The following PHEX variants were observed in gnomAD, a reference collection of about 807,000 sequenced individuals.
PHEX encodes phosphate regulating endopeptidase X-linked, also known as phosphate-regulating neutral endopeptidase PHEX.
In PHEX, 16 loss-of-function variants were observed where a neutral mutation model predicts 68.0. That is an observed-to-expected ratio of 0.24 (90% CI 0.16 to 0.36). The LOEUF (loss-of-function observed/expected upper bound fraction) is 0.36. Among genes scored for constraint, PHEX ranks in the 10% least tolerant of loss-of-function variants. The pLI, the probability that PHEX is intolerant of heterozygous loss-of-function variation, is 1.00. For missense variants in PHEX, 480 were observed against 575.5 expected, an observed-to-expected ratio of 0.83 and a Z score of 1.70; for synonymous variants, 208 against 205.1, an observed-to-expected ratio of 1.01 and a Z score of -0.12.
chrX:22,034,282 A>G (rs1294064205), intron 1 of PHEX, among the ~76,000 whole-genome samples: 2 of 112,199 alleles, frequency 1.8e-5, no homozygotes, highest in African/African-American at 6.5e-5. Context: ...GGCTACGTGC[A>G]ACGTGACTGC....
At chrX:22,141,981 T>A (rs1932482684) in intron 12 of PHEX, among the ~76,000 whole-genome samples, 1 of 112,401 alleles carries the variant, frequency 8.9e-6, no homozygotes, top group Non-Finnish European at 1.9e-5. Context: ...CTGGGCACAG[T>A]GGCCCACACT....
chrX:22,245,407 T>C lies in PHEX; in HGVS notation c.2145T>C (p.Phe715=). ...TTGGTGCTCACAGTCCCCCTCAGTT[T>C]AGGTAAATGGGCAAATGGGTGACGG... ...VQIGAHSPPQ[F]RVNGAISNFE... Residue 715 remains phenylalanine, a splice_region_variant and synonymous_variant, in exon 21 of 22, where the codon TTT becomes TTC. Coordinates refer to ENST00000379374, the MANE Select transcript of PHEX (RefSeq NM_000444.6). The C allele has an allele frequency of 8.4e-7, 1 of 1,186,717 alleles. No individual in the cohort carries two copies. The highest frequency in any genetic ancestry group is 1.8e-5 in the South Asian group (1 of 56,334).
At chrX:22,201,860 T>C (rs1934570010) in intron 15 of PHEX, among the ~76,000 whole-genome samples, 1 of 111,219 alleles carries the variant, frequency 9.0e-6, no homozygotes, top group African/African-American at 3.3e-5. Context: ...GAGGTGAGCA[T>C]AGGGACCTAA....
intron 11 of PHEX, among the ~76,000 whole-genome samples, chrX:22,132,332 T>C (rs1274746488): frequency 9.0e-6 from 1 of 110,854 alleles, no homozygotes; most frequent in Non-Finnish European, 1.9e-5. Context: ...GGTCTCGAAC[T>C]CCTGGCCTCA....
At chrX:22,148,150 C>T (rs1052659898) in intron 12 of PHEX, among the ~76,000 whole-genome samples, 2 of 111,001 alleles carry the variant, frequency 1.8e-5, no homozygotes, top group African/African-American at 6.6e-5. Flanking sequence ...CACCTGGAGT[C>T]CCTTAGGCAG....
chrX:22,071,433 T>C (rs961436827), intron 3 of PHEX, among the ~76,000 whole-genome samples: 1 of 111,477 alleles, frequency 9.0e-6, no homozygotes, highest in East Asian at 2.8e-4. Context: ...TCTTTTTCAA[T>C]TGGATGAAAG....
chrX:22,238,373 G>T (rs1043600519), intron 20 of PHEX, among the ~76,000 whole-genome samples: 2 of 111,589 alleles, frequency 1.8e-5, no homozygotes, highest in Non-Finnish European at 3.8e-5. Flanking sequence ...AGCCATGAGA[G>T]ACTTTACCAG....
chrX:22,132,344 G>A (rs937352406), intron 11 of PHEX, among the ~76,000 whole-genome samples: 1 of 111,400 alleles, frequency 9.0e-6, no homozygotes, highest in African/African-American at 3.3e-5. Flanking sequence ...CTGGCCTCAA[G>A]CAATCCTCCT....
chrX:22,099,341 A>G, intron 9 of PHEX, 190 bp downstream of exon 9: 1 of 452,670 alleles, frequency 2.2e-6, no homozygotes, highest in Non-Finnish European at 3.8e-6. Context: ...TGCTGCAATG[A>G]TAACAAATGT....
At chrX:22,184,858 G>A (rs777642413) in intron 14 of PHEX, among the ~76,000 whole-genome samples, 1 of 112,095 alleles carries the variant, frequency 8.9e-6, no homozygotes, top group South Asian at 3.7e-4. Flanking sequence ...TTCCTGCCCA[G>A]AACTTTTGTT....
intron 15 of PHEX, among the ~76,000 whole-genome samples, chrX:22,207,905 A>G (rs1371521438): frequency 9.0e-6 from 1 of 110,684 alleles, no homozygotes; most frequent in Non-Finnish European, 1.9e-5. Flanking sequence ...TATTTAGTGT[A>G]CTTTAAGTTC....
At chrX:22,115,620 C>A (rs1346143817) in intron 11 of PHEX, among the ~76,000 whole-genome samples, 2 of 112,195 alleles carry the variant, frequency 1.8e-5, no homozygotes, top group Non-Finnish European at 3.8e-5. Context: ...CCCCTGGCAA[C>A]TACTGTTCTA....
chrX:22,200,880 T>G (rs1392523333), intron 15 of PHEX, among the ~76,000 whole-genome samples: 1 of 111,007 alleles, frequency 9.0e-6, no homozygotes, highest in Non-Finnish European at 1.9e-5. Flanking sequence ...GGTTGTGGCA[T>G]CAAGCAGTTC....
At chrX:22,185,756 G>C (rs867286391) in intron 14 of PHEX, among the ~76,000 whole-genome samples, 1 of 87,796 alleles carries the variant, frequency 1.1e-5, no homozygotes, top group Non-Finnish European at 2.1e-5. Context: ...CTCGTTTGTG[G>C]TTTTTTTTTT....
intron 9 of PHEX, among the ~76,000 whole-genome samples, chrX:22,108,942 C>CA (rs34267547): frequency 0.17 from 12,491 of 73,270 alleles, 2,076 homozygotes; most frequent in African/African-American, 0.47. Flanking sequence ...ACTCCATCTT[C>CA]AAAAAAAAAA....
chrX:22,122,564 T>A (rs1384135193), intron 11 of PHEX, among the ~76,000 whole-genome samples: 1 of 112,316 alleles, frequency 8.9e-6, no homozygotes, highest in Non-Finnish European at 1.9e-5. Context: ...TTTCCTGTTA[T>A]AAATGATGCA....
chrX:22,234,321 G>T (rs1366438723), intron 20 of PHEX, among the ~76,000 whole-genome samples: 1 of 112,700 alleles, frequency 8.9e-6, no homozygotes, highest in Non-Finnish European at 1.9e-5. Context: ...CGACCACTGC[G>T]CTGGCTGTCA....
At chrX:22,091,468 A>C (rs1929880961) in intron 6 of PHEX, among the ~76,000 whole-genome samples, 2 of 111,971 alleles carry the variant, frequency 1.8e-5, no homozygotes, top group Admixed American at 1.9e-4. Context: ...TATAGGTCAG[A>C]TTCTTGTTAA....
chrX:22,216,500 TTTATTTATTTATTTATTTA>T (rs1569430167), intron 16 of PHEX, among the ~76,000 whole-genome samples: 7 of 83,607 alleles, frequency 8.4e-5, no homozygotes, highest in Non-Finnish European at 1.5e-4. Flanking sequence ...TGCTTATTTA[TTTATTTATTTATTTATTTA>T]TTTATTTATT....
Sources: allele counts gnomAD v4.1 joint callset (sites outside exome capture counted in the v4.1 genomes callset), GRCh38; gene constraint gnomAD v4.1.1; transcripts MANE v1.5; gene names NCBI Gene and HGNC (gene_info 2026-07-23, HGNC 2026-07-21).